The following MYO9A variants were observed in gnomAD, a reference collection of about 807,000 sequenced individuals.
MYO9A encodes myosin IXA.
MYO9A carries 103 observed loss-of-function variants against 293.3 expected under a neutral mutation model. The ratio of observed to expected loss-of-function variants is 0.35; its 90% CI spans 0.30 to 0.41. The LOEUF (loss-of-function observed/expected upper bound fraction) is 0.41, where lower values mean the gene tolerates loss of function less well. Ranked by LOEUF, MYO9A falls within the 10% of genes least tolerant of loss-of-function variation. The pLI is 1.00. For missense variants in MYO9A, 2,685 were observed against 3,033.0 expected (o/e 0.89, Z 2.69); for synonymous variants, 1,001 against 1,035.7 (o/e 0.97, Z 0.64).
intron 8 of MYO9A, among the ~76,000 whole-genome samples, chr15:72,001,689 G>A (rs2076871278): frequency 6.6e-6 from 1 of 151,878 alleles, no homozygotes; most frequent in Non-Finnish European, 1.5e-5. Flanking sequence ...CATACTGAAT[G>A]GATAAATATT....
At chr15:71,988,461 A>G (rs762964158) in intron 11 of MYO9A, among the ~76,000 whole-genome samples, 5 of 152,240 alleles carry the variant, frequency 3.3e-5, no homozygotes, top group Non-Finnish European at 7.3e-5. Context: ...ATAACAAATA[A>G]TATCTTTCCA....
At chr15:71,954,397 G>C (rs1323734972) in intron 14 of MYO9A, among the ~76,000 whole-genome samples, 1 of 151,996 alleles carries the variant, frequency 6.6e-6, no homozygotes, top group Non-Finnish European at 1.5e-5. Context: ...GTAGAGACAG[G>C]GTTTCACCGT....
chr15:71,862,291 GA>G (rs1160464293), intron 33 of MYO9A, among the ~76,000 whole-genome samples: 3 of 152,122 alleles, frequency 2.0e-5, no homozygotes, highest in Non-Finnish European at 2.9e-5. Flanking sequence ...TAGACAGAGT[GA>G]ATTACATGTA....
At position 71,850,100 on chromosome 15, in the gene MYO9A, T is replaced by C. The variant is rs755396201; in HGVS notation, c.6649A>G (p.Ile2217Val). ...NALAIVFAPC[I>V]LRCPDTTDPL... is the part of the protein sequence containing the mutation. Reference sequence around the variant, plus strand: ...TCAGTGGTGTCAGGGCAGCGGAGAATGCAGGGCGCAAACACAATGGCCAAA... The same window carrying C: ...TCAGTGGTGTCAGGGCAGCGGAGAACGCAGGGCGCAAACACAATGGCCAAA... The change falls in exon 38 of 42, where the codon ATT becomes GTT. Residue 2217 changes from isoleucine to valine, a missense_variant. Physicochemically the swap from Ile to Val is conservative, Grantham distance 29. Transcript: ENST00000356056. 2.0e-5 allele frequency: 33 copies of C among 1,614,016 alleles called. No homozygotes were observed. The highest frequency in any genetic ancestry group is 1.2e-4 in the Admixed American group (7 of 59,996).
At chr15:72,062,863 T>C (rs2078913784) in intron 1 of MYO9A, among the ~76,000 whole-genome samples, 1 of 152,006 alleles carries the variant, frequency 6.6e-6, no homozygotes, top group Non-Finnish European at 1.5e-5. Context: ...ACAAGATAAA[T>C]ATTTTTTAAT....
intron 15 of MYO9A, among the ~76,000 whole-genome samples, chr15:71,941,455 C>G (rs1374688642): frequency 6.6e-6 from 1 of 152,086 alleles, no homozygotes; most frequent in East Asian, 1.9e-4. Flanking sequence ...ACAACAACAA[C>G]AACAAACCCA....
intron 5 of MYO9A, among the ~76,000 whole-genome samples, chr15:72,019,677 T>C (rs543927071): frequency 2.0e-5 from 3 of 152,338 alleles, no homozygotes; most frequent in Non-Finnish European, 4.4e-5. Context: ...TTAATATAGG[T>C]AGTTTCAAAA....
intron 11 of MYO9A, among the ~76,000 whole-genome samples, chr15:71,986,407 A>G (rs550746631): frequency 6.6e-6 from 1 of 152,302 alleles, no homozygotes; most frequent in South Asian, 2.1e-4. Context: ...AGTCTACATT[A>G]CAGTCTCTAC....
intron 15 of MYO9A, among the ~76,000 whole-genome samples, chr15:71,947,165 C>T (rs987334208): frequency 2.0e-5 from 3 of 151,338 alleles, no homozygotes; most frequent in South Asian, 4.2e-4. Context: ...ACCTGTAGTC[C>T]GAGGTGCTTG....
intron 2 of MYO9A, among the ~76,000 whole-genome samples, chr15:72,034,348 T>G (rs1254515031): frequency 6.6e-6 from 1 of 152,226 alleles, no homozygotes; most frequent in Non-Finnish European, 1.5e-5. Flanking sequence ...TTATTATGCA[T>G]GCATTTACAT....
At chr15:71,844,700 G>A (rs774697386) in intron 39 of MYO9A, among the ~76,000 whole-genome samples, 3 of 152,150 alleles carry the variant, frequency 2.0e-5, no homozygotes, top group Admixed American at 1.3e-4. Flanking sequence ...TCACGATAGC[G>A]AAAGAATGCA....
chr15:71,888,389 G>A (rs2057081770), intron 26 of MYO9A: 2 of 206,946 alleles, frequency 9.7e-6, no homozygotes, highest in African/African-American at 4.6e-5. Flanking sequence ...GCAAGAAAGT[G>A]AAAACCATTT....
At chr15:71,910,099 T>C (rs12161990) in intron 19 of MYO9A, among the ~76,000 whole-genome samples, 101,599 of 144,184 alleles carry the variant, frequency 0.7, 36,345 homozygotes, top group Non-Finnish European at 0.76. Context: ...TATATATATA[T>C]ACGTATATAT....
chr15:71,845,072 G>C (rs1362962943), intron 39 of MYO9A, among the ~76,000 whole-genome samples: 1 of 152,194 alleles, frequency 6.6e-6, no homozygotes, highest in Non-Finnish European at 1.5e-5. Context: ...GAAGATCACT[G>C]TTGAGTGCCT....
In MYO9A at chr15:71,867,798, T is replaced by TCACACACACACACA. The variant is rs57300333; in HGVS notation, c.5980-5201_5980-5188dup. 1.4e-3 allele frequency among the ~76,000 whole-genome samples: 174 copies of TCACACACACACACA among 127,628 alleles called. 3 individuals are homozygous for TCACACACACACACA. The highest frequency in any genetic ancestry group is 4.8e-3 in the African/African-American group (163 of 33,700). The allele number at this position is 127,628 out of a possible 152,430, so 83.7% of individuals were successfully genotyped here. ...CACTAATTTCAATTCTGGGAATCCA[T>TCACACACACACACA]CACACACACACACACACACACACAC... is the stretch of plus-strand genomic sequence containing the variant. On this transcript the variant is annotated intron_variant, in intron 32 of 41. Transcript: ENST00000356056.
At chr15:72,000,008 A>G in intron 8 of MYO9A, 68 bp from the exon 9 acceptor site, 1 of 1,267,982 alleles carries the variant, frequency 7.9e-7, no homozygotes, top group Non-Finnish European at 1.1e-6. Flanking sequence ...CTTTTGAAAA[A>G]GCCAAATAGA....
At chr15:72,062,019 AAAGT>A (rs2078892583) in intron 1 of MYO9A, among the ~76,000 whole-genome samples, 1 of 152,180 alleles carries the variant, frequency 6.6e-6, no homozygotes, top group South Asian at 2.1e-4. Flanking sequence ...AGTTTGAGGA[AAAGT>A]AAGGGAAGAG....
chr15:72,020,190 T>A (rs1427116249), intron 5 of MYO9A, among the ~76,000 whole-genome samples: 1 of 152,208 alleles, frequency 6.6e-6, no homozygotes, highest in Non-Finnish European at 1.5e-5. Context: ...ACATCTTGCC[T>A]CCAACAATGG....
rs756044890 is a variant in MYO9A, at chr15:71,898,253, A to C, written c.4250T>G (p.Leu1417Arg). The change falls in exon 25 of 42, where the codon CTA (leucine) becomes CGA (arginine). Residue 1417 changes from leucine to arginine, a missense_variant. Leu to Arg is a moderately radical substitution (Grantham distance 102). Transcript: ENST00000356056. ...TTGGGGGATATAAAAAAAAGTAGGTAGACTATTTGAAATGAAGGAGTCTTT... is the reference window on the plus strand; with the variant it reads ...TTGGGGGATATAAAAAAAAGTAGGTCGACTATTTGAAATGAAGGAGTCTTT... ...QLKDSFISNS[L>R]PTFFYIPQQD... 1 of 1,614,132 alleles carries C rather than the reference A, an allele frequency of 6.2e-7. No homozygotes were observed. Among genetic ancestry groups the C allele is most frequent in the South Asian group, 1.1e-5 (1 of 91,082 alleles).
Sources: gnomAD v4.1 joint callset for allele counts (sites outside exome capture counted in the v4.1 genomes callset) on GRCh38, gnomAD v4.1.1 for gene constraint, MANE v1.5 for transcripts, NCBI Gene and HGNC (gene_info 2026-07-23, HGNC 2026-07-21) for gene names.